NKAIN3: variants seen among roughly 807,000 people sequenced by gnomAD.
The protein encoded by NKAIN3 is sodium/potassium-transporting ATPase subunit beta-1-interacting protein 3.
NKAIN3 carries 25 observed loss-of-function variants against 30.2 expected under a neutral mutation model. The observed-to-expected ratio is 0.83, with a 90% confidence interval of 0.60 to 1.16. The LOEUF (loss-of-function observed/expected upper bound fraction) is 1.16, where lower values mean the gene tolerates loss of function less well. NKAIN3 is among the 50% of genes most tolerant of loss of function. The pLI is 0.00. For missense variants in NKAIN3, 225 were observed against 254.1 expected (o/e 0.89, Z 0.78); for synonymous variants, 91 against 89.6 (o/e 1.02, Z -0.09).
chr8:62,956,885 G>A (rs570744420), intron 6 of NKAIN3, among the ~76,000 whole-genome samples: 136 of 152,376 alleles, frequency 8.9e-4, no homozygotes, highest in South Asian at 2.3e-3. Flanking sequence ...TTTTATGCGG[G>A]AGGGGGAATG....
chr8:62,972,806 CTAA>C lies in NKAIN3; in HGVS notation c.*7401_*7403del, dbSNP rs1421364818. On this transcript the variant is annotated 3_prime_UTR_variant, in exon 7 of 7. Coordinates refer to ENST00000623646, the MANE Select transcript of NKAIN3 (RefSeq NM_001304533.3). ...TCATCATCTACATTAGGTATATCTC[CTAA>C]TGTTATCCCTCCCCTTGTCCCCCAC... 2.0e-5 allele frequency among the ~76,000 whole-genome samples: 3 copies of C among 152,060 alleles called. No homozygotes were observed. The highest frequency in any genetic ancestry group is 2.9e-5 in the Non-Finnish European group (2 of 68,030).
chr8:62,420,600 G>T (rs978226599), intron 1 of NKAIN3, among the ~76,000 whole-genome samples: 2 of 152,084 alleles, frequency 1.3e-5, no homozygotes, highest in Non-Finnish European at 1.5e-5. Context: ...AAAAATAAGT[G>T]TGGCTAGTTT....
intron 1 of NKAIN3, among the ~76,000 whole-genome samples, chr8:62,450,329 A>G (rs1805604230): frequency 6.6e-6 from 1 of 152,164 alleles, no homozygotes; most frequent in Non-Finnish European, 1.5e-5. Context: ...GAGACATTCA[A>G]AAAGTATGGT....
chr8:62,319,107 T>C (rs1212028297), intron 1 of NKAIN3, among the ~76,000 whole-genome samples: 1 of 152,228 alleles, frequency 6.6e-6, no homozygotes, highest in African/African-American at 2.4e-5. Context: ...CTAGATTTTC[T>C]AGTTTATTTG....
At chr8:62,494,866 G>A (rs1237214588) in intron 1 of NKAIN3, among the ~76,000 whole-genome samples, 3 of 151,950 alleles carry the variant, frequency 2.0e-5, no homozygotes, top group Non-Finnish European at 2.9e-5. Context: ...TCCCCTTTGT[G>A]ATTTCTAATT....
At chr8:62,701,538 C>T (rs1814332676) in intron 3 of NKAIN3, among the ~76,000 whole-genome samples, 1 of 152,168 alleles carries the variant, frequency 6.6e-6, no homozygotes, top group African/African-American at 2.4e-5. Flanking sequence ...AACGATCCCT[C>T]CTGCGCTCAG....
intron 4 of NKAIN3, among the ~76,000 whole-genome samples, chr8:62,916,803 TG>T (rs755373603): frequency 6.6e-6 from 1 of 152,102 alleles, no homozygotes; most frequent in Non-Finnish European, 1.5e-5. Context: ...GGAGAAATGA[TG>T]GGAGAAAAGG....
At chr8:62,904,987 G>C (rs985777398) in intron 4 of NKAIN3, among the ~76,000 whole-genome samples, 4 of 152,258 alleles carry the variant, frequency 2.6e-5, no homozygotes, top group African/African-American at 9.6e-5. Flanking sequence ...GTCTCTCGGA[G>C]GGTAGTTCCT....
intron 4 of NKAIN3, among the ~76,000 whole-genome samples, chr8:62,752,153 A>C (rs1478599284): frequency 6.6e-6 from 1 of 152,216 alleles, no homozygotes; most frequent in Non-Finnish European, 1.5e-5. Flanking sequence ...ATGCATGGAC[A>C]AGATGTAGGA....
At chr8:62,406,428 A>T (rs1804068337) in intron 1 of NKAIN3, among the ~76,000 whole-genome samples, 1 of 152,214 alleles carries the variant, frequency 6.6e-6, no homozygotes, top group Admixed American at 6.5e-5. Context: ...AAAATAAAAT[A>T]CATCACTGAA....
At chr8:62,511,126 C>T (rs1807802728) in intron 1 of NKAIN3, among the ~76,000 whole-genome samples, 1 of 152,112 alleles carries the variant, frequency 6.6e-6, no homozygotes, top group Non-Finnish European at 1.5e-5. Flanking sequence ...TGTAGCTCAG[C>T]CTCTGTGGCT....
rs377622961 is a variant in NKAIN3 at position 62,529,037 on chromosome 8, G to A, written c.55-50502G>A. 1.8e-4 allele frequency among the ~76,000 whole-genome samples: 28 copies of A among 152,214 alleles called. 1 individual carries two copies. The East Asian group carries it at 5.2e-3, about 28-fold the overall frequency. ...TGAAACCAAGGCCCCTTTTCATTCT[G>A]CTAGACAAGCAGCTCTCAATCTTTT... On this transcript the variant is annotated intron_variant, in intron 1 of 6. Transcript: ENST00000623646.
In NKAIN3 at chr8:62,665,569, G is replaced by A. The variant is rs192585544; in HGVS notation, c.273+75775G>A. Among the ~76,000 whole-genome samples, 19 of 152,290 alleles carry A rather than the reference G, an allele frequency of 1.2e-4. No individual in the cohort carries two copies. In the East Asian group the frequency reaches 3.3e-3, roughly 26 times the overall value. Reference sequence around the variant, plus strand: ...GTGACAAGATGGCACTGGAGTGAACGTGGGCATTTTGGTGATTGGGCCACA... The same window carrying A: ...GTGACAAGATGGCACTGGAGTGAACATGGGCATTTTGGTGATTGGGCCACA... On this transcript the variant is annotated intron_variant, in intron 3 of 6. Transcript: ENST00000623646.
intron 1 of NKAIN3, among the ~76,000 whole-genome samples, chr8:62,370,126 C>T (rs917540992): frequency 6.6e-6 from 1 of 151,874 alleles, no homozygotes; most frequent in East Asian, 1.9e-4. Flanking sequence ...TCAACAGTGT[C>T]AAATTATTGA....
chr8:62,363,973 G>A (rs16918923), intron 1 of NKAIN3, among the ~76,000 whole-genome samples: 1,585 of 152,342 alleles, frequency 0.01, 29 homozygotes, highest in African/African-American at 0.036. Flanking sequence ...CAAAAACGAT[G>A]TGGAAGGATG....
rs561909266 is a variant in NKAIN3, at chr8:62,318,376, G to A, written c.54+69249G>A. 2.6e-5 allele frequency among the ~76,000 whole-genome samples: 4 copies of A among 152,246 alleles called. No homozygotes were observed. The South Asian group carries it at 8.3e-4, about 32-fold the overall frequency. On this transcript the variant is annotated intron_variant, in intron 1 of 6. Coordinates refer to ENST00000623646, the MANE Select transcript of NKAIN3 (RefSeq NM_001304533.3). Reference sequence around the variant, plus strand: ...GAGAGGGCATCCCTGTCTTGTGCCAGCTTTCAAAGGGAATGCTTCCAGTTT... The same window carrying A: ...GAGAGGGCATCCCTGTCTTGTGCCAACTTTCAAAGGGAATGCTTCCAGTTT...
chr8:62,949,953 T>C (rs75088790), intron 5 of NKAIN3, among the ~76,000 whole-genome samples: 2,064 of 152,280 alleles, frequency 0.014, 47 homozygotes, highest in African/African-American at 0.048. Context: ...TCCATACCTT[T>C]TCTATTTCTT....
chr8:62,380,781 T>G (rs1206041459), intron 1 of NKAIN3, among the ~76,000 whole-genome samples: 2 of 152,204 alleles, frequency 1.3e-5, no homozygotes, highest in Non-Finnish European at 2.9e-5. Context: ...TATAAAAGCT[T>G]TGGTTTGGCA....
intron 3 of NKAIN3, among the ~76,000 whole-genome samples, chr8:62,728,133 C>T (rs1445200306): frequency 6.6e-6 from 1 of 151,976 alleles, no homozygotes; most frequent in African/African-American, 2.4e-5. Flanking sequence ...TAGACATAGA[C>T]TTCATACTCT....
Sources: gnomAD v4.1 joint callset for allele counts (sites outside exome capture counted in the v4.1 genomes callset) on GRCh38, gnomAD v4.1.1 for gene constraint, MANE v1.5 for transcripts, NCBI Gene and HGNC (gene_info 2026-07-23, HGNC 2026-07-21) for gene names.